The following DNAAF11 variants were observed in gnomAD, a reference collection of about 807,000 sequenced individuals.
The protein encoded by DNAAF11 is dynein axonemal assembly factor 11.
DNAAF11 carries 45 observed loss-of-function variants against 60.8 expected under a neutral mutation model. That is an observed-to-expected ratio of 0.74 (90% confidence interval 0.58 to 0.95). The LOEUF is 0.95. Among genes scored for constraint, DNAAF11 ranks in the 40% least tolerant of loss-of-function variants. The pLI, the probability that DNAAF11 is intolerant of heterozygous loss-of-function variation, is 0.00. For synonymous variants in DNAAF11, 191 were observed against 183.5 expected, an observed-to-expected ratio of 1.04 and a Z score of -0.33; for missense variants, 546 against 546.2, an observed-to-expected ratio of 1.00 and a Z score of 0.00.
intron 3 of DNAAF11, among the ~76,000 whole-genome samples, chr8:132,646,606 G>C (rs4415287): frequency 6.6e-6 from 1 of 152,136 alleles, no homozygotes; most frequent in Admixed American, 6.6e-5. Context: ...CACGTGCAGA[G>C]ACACACATTG....
chr8:132,581,661 CAAAAAAA>C (rs59380140), intron 11 of DNAAF11, among the ~76,000 whole-genome samples: 2 of 83,004 alleles, frequency 2.4e-5, no homozygotes, highest in South Asian at 4.4e-4. Flanking sequence ...GACTCTGCCT[CAAAAAAA>C]AAAAAAAAAA....
At chr8:132,625,030 G>A (rs775141622) in intron 6 of DNAAF11, among the ~76,000 whole-genome samples, 2 of 152,036 alleles carry the variant, frequency 1.3e-5, no homozygotes, top group Middle Eastern at 3.2e-3. Context: ...GTGGTAAAAA[G>A]CTAAAGATAT....
At chr8:132,643,823 C>T in intron 3 of DNAAF11, 2 of 430,728 alleles carry the variant, frequency 4.6e-6, no homozygotes, top group South Asian at 3.4e-5. Flanking sequence ...TACCTCTAGG[C>T]AGTAGGACTT....
chr8:132,643,411 C>T (rs1023811861), intron 3 of DNAAF11: 1 of 327,066 alleles, frequency 3.1e-6, no homozygotes, highest in African/African-American at 2.2e-5. Context: ...GATGGAGAGA[C>T]CAGCTTGGAA....
At chr8:132,675,707 G>A (rs1825733510), upstream of DNAAF11, 1 of 442,170 alleles carries the variant, frequency 2.3e-6, no homozygotes, top group Non-Finnish European at 4.0e-6. Flanking sequence ...TCAGCAGACA[G>A]GGGTTCCCCA....
At chr8:132,636,623 G>A (rs1692941158) in intron 4 of DNAAF11, among the ~76,000 whole-genome samples, 1 of 152,172 alleles carries the variant, frequency 6.6e-6, no homozygotes, top group Non-Finnish European at 1.5e-5. Context: ...AGGCTCAGCT[G>A]CGGTGGCCAT....
At chr8:132,686,535 C>A in the DNAAF11 span, among the ~76,000 whole-genome samples, 1 of 151,880 alleles carries the variant, frequency 6.6e-6, no homozygotes, top group Non-Finnish European at 1.5e-5. Context: ...TACTGCATTG[C>A]GGAAACTGGA....
At chr8:132,670,993 T>C (rs1586752398) in intron 1 of DNAAF11, among the ~76,000 whole-genome samples, 1 of 152,180 alleles carries the variant, frequency 6.6e-6, no homozygotes, top group East Asian at 1.9e-4. Context: ...ATAATCAACA[T>C]TATATCGAGC....
chr8:132,646,128 A>C (rs1157097491), intron 3 of DNAAF11, among the ~76,000 whole-genome samples: 9 of 152,232 alleles, frequency 5.9e-5, no homozygotes, highest in Non-Finnish European at 8.8e-5. Context: ...TCAGACTAAC[A>C]GCAGATCTCT....
chr8:132,621,126 T>C (rs1171803276), intron 7 of DNAAF11, among the ~76,000 whole-genome samples: 3 of 152,096 alleles, frequency 2.0e-5, no homozygotes, highest in Non-Finnish European at 4.4e-5. Context: ...TGGCTTGTCC[T>C]TCAACAGAGA....
At chr8:132,657,293 C>T (rs1823672914) in intron 2 of DNAAF11, among the ~76,000 whole-genome samples, 1 of 152,150 alleles carries the variant, frequency 6.6e-6, no homozygotes, top group Non-Finnish European at 1.5e-5. Flanking sequence ...CATGCACACC[C>T]AGTCCTCCTA....
chr8:132,623,748 T>C (rs1179308466), intron 6 of DNAAF11, among the ~76,000 whole-genome samples: 2 of 152,182 alleles, frequency 1.3e-5, no homozygotes, highest in Non-Finnish European at 2.9e-5. Flanking sequence ...ATTCACACTC[T>C]TCTGCATTTT....
At chr8:132,701,630 C>A in the DNAAF11 span, among the ~76,000 whole-genome samples, 2 of 152,134 alleles carry the variant, frequency 1.3e-5, no homozygotes, top group Non-Finnish European at 2.9e-5. Flanking sequence ...GAAGACACAC[C>A]GAATGCACTA....
In DNAAF11 at chr8:132,583,700, T is replaced by G; in HGVS notation, c.1220A>C (p.Asn407Thr). The G allele has an allele frequency of 6.2e-7, 1 of 1,613,146 alleles. No homozygotes were observed. Among genetic ancestry groups the G allele is most frequent in the African/African-American group, 1.3e-5 (1 of 75,002 alleles). The change falls in exon 11 of 12, where the codon AAT becomes ACT. Residue 407 changes from asparagine (N) to threonine (T), a missense_variant. By Grantham distance (65) the Asn-to-Thr change is moderately conservative. Coordinates refer to ENST00000620350, the MANE Select transcript of DNAAF11 (RefSeq NM_012472.6). ...TTSDRSREQTNTRSKHMEKLE... is the reference protein window; with the variant it reads ...TTSDRSREQTTTRSKHMEKLE... Reference sequence around the variant, plus strand: ...CAGTCTGGGAGGGTGGTACCTTGTATTTGTTTGTTCTCTGCTCCTGTCCGA... The same window carrying G: ...CAGTCTGGGAGGGTGGTACCTTGTAGTTGTTTGTTCTCTGCTCCTGTCCGA...
At chr8:132,655,746 AAAT>A (rs561110069) in intron 3 of DNAAF11, among the ~76,000 whole-genome samples, 2,207 of 47,422 alleles carry the variant, frequency 0.047, 64 homozygotes, top group African/African-American at 0.38. Context: ...AGGTAAACGC[AAAT>A]CAAATCAGAA....
intron 11 of DNAAF11, among the ~76,000 whole-genome samples, chr8:132,582,521 T>C (rs554257340): frequency 6.6e-6 from 1 of 152,324 alleles, no homozygotes; most frequent in East Asian, 1.9e-4. Context: ...TGACTGTGAA[T>C]ATTCATAATA....
chr8:132,573,121 T>C (rs185932420), intron 11 of DNAAF11, among the ~76,000 whole-genome samples: 2 of 151,970 alleles, frequency 1.3e-5, no homozygotes, highest in Admixed American at 6.6e-5. Context: ...GATACAGATA[T>C]AGATATAGAT....
At chr8:132,665,414 A>C (rs373941013) in intron 1 of DNAAF11, among the ~76,000 whole-genome samples, 20 of 152,268 alleles carry the variant, frequency 1.3e-4, no homozygotes, top group African/African-American at 4.6e-4. Context: ...ATAATATAGC[A>C]CTGCAATTAC....
chr8:132,659,834 G>C (rs888733295), intron 2 of DNAAF11, among the ~76,000 whole-genome samples: 6 of 152,032 alleles, frequency 3.9e-5, no homozygotes, highest in Non-Finnish European at 7.4e-5. Flanking sequence ...TGCGGGGGGT[G>C]GGGGAGCATC....
Sources: gnomAD v4.1 joint callset for allele counts (sites outside exome capture counted in the v4.1 genomes callset) on GRCh38, gnomAD v4.1.1 for gene constraint, MANE v1.5 for transcripts, NCBI Gene and HGNC (gene_info 2026-07-23, HGNC 2026-07-21) for gene names.